Variants in NTM observed in about 807,000 individuals in gnomAD.
NTM encodes the protein neurotrimin.
Under a neutral mutation model 42.1 loss-of-function variants are expected in NTM, and 13 were observed. The ratio of observed to expected loss-of-function variants is 0.31; its 90% CI spans 0.20 to 0.49. The LOEUF (loss-of-function observed/expected upper bound fraction) is 0.49, where lower values mean the gene tolerates loss of function less well. NTM is among the 20% of genes least tolerant of loss of function. The probability of loss-of-function intolerance (pLI) is 0.99; values close to 1 mark genes in which losing one functional copy is unlikely to be tolerated. For missense variants in NTM, 373 were observed against 452.8 expected, an observed-to-expected ratio of 0.82 and a Z score of 1.60; for synonymous variants, 187 against 179.2, an observed-to-expected ratio of 1.04 and a Z score of -0.35.
chr11:132,182,762 A>T (rs4357699), intron 3 of NTM, among the ~76,000 whole-genome samples: 6 of 152,124 alleles, frequency 3.9e-5, no homozygotes, highest in African/African-American at 1.4e-4. Context: ...AATAAAATCC[A>T]AAGTCTTTAA....
chr11:132,158,902 C>T (rs1170333529), intron 3 of NTM, among the ~76,000 whole-genome samples: 1 of 152,148 alleles, frequency 6.6e-6, no homozygotes, highest in Non-Finnish European at 1.5e-5. Flanking sequence ...CACTCCAGGT[C>T]ACTGCCTGGA....
chr11:132,112,009 A>G (rs1335875687), intron 2 of NTM, among the ~76,000 whole-genome samples: 1 of 152,226 alleles, frequency 6.6e-6, no homozygotes. Context: ...CAGACTACAA[A>G]TAGCTGCTCT....
chr11:132,011,822 G>T (rs900757662), intron 2 of NTM, among the ~76,000 whole-genome samples: 2 of 152,098 alleles, frequency 1.3e-5, no homozygotes, highest in Non-Finnish European at 2.9e-5. Flanking sequence ...CTTGGAATCT[G>T]TGCATGCTCA....
rs576864705 is a variant in NTM at position 131,909,082 on chromosome 11, G to T, written c.83-2482G>T. Among the ~76,000 whole-genome samples, 3 of 152,304 alleles carry T rather than the reference G, an allele frequency of 2.0e-5. No homozygotes were observed. The South Asian group carries it at 6.2e-4, about 32-fold the overall frequency. On this transcript the variant is annotated intron_variant, in intron 1 of 8. Coordinates refer to ENST00000683400, the MANE Select transcript of NTM (RefSeq NM_001352005.2). ...AGGAGGGAACAATTGGCCCAATGAT[G>T]AGTTAATGCAAAGTATTTTGAGATA... is the stretch of plus-strand genomic sequence containing the variant.
chr11:132,230,418 T>G (rs1398000394), intron 4 of NTM, among the ~76,000 whole-genome samples: 2 of 152,186 alleles, frequency 1.3e-5, no homozygotes, highest in Non-Finnish European at 2.9e-5. Flanking sequence ...GGAGGTCAAG[T>G]CAGAGGTGGA....
At chr11:131,463,021 T>A (rs367814169) in intron 1 of NTM, among the ~76,000 whole-genome samples, 1,609 of 132,428 alleles carry the variant, frequency 0.012, 43 homozygotes, top group African/African-American at 0.055. Flanking sequence ...TCTCCACATC[T>A]TCTTTGCATG....
chr11:132,145,425 C>T (rs1009861083), intron 2 of NTM, among the ~76,000 whole-genome samples: 1 of 152,204 alleles, frequency 6.6e-6, no homozygotes, highest in South Asian at 2.1e-4. Context: ...AGCCTAAGGC[C>T]ATGGAACAGA....
chr11:131,464,665 C>G (rs1951723912), intron 1 of NTM, among the ~76,000 whole-genome samples: 1 of 152,190 alleles, frequency 6.6e-6, no homozygotes, highest in South Asian at 2.1e-4. Context: ...GAGATGTCTT[C>G]CGCCCCAGTC....
chr11:131,688,988 T>C (rs2074300592), intron 1 of NTM, among the ~76,000 whole-genome samples: 1 of 152,088 alleles, frequency 6.6e-6, no homozygotes, highest in South Asian at 2.1e-4. Flanking sequence ...GTTAGCTAGT[T>C]GGTTTTTAAA....
At chr11:131,998,255 A>G (rs1212044417) in intron 2 of NTM, among the ~76,000 whole-genome samples, 1 of 152,076 alleles carries the variant, frequency 6.6e-6, no homozygotes, top group East Asian at 1.9e-4. Flanking sequence ...TTTTATGGGG[A>G]CTCGTAAAAG....
At chr11:131,643,379 C>T (rs912741549) in intron 1 of NTM, among the ~76,000 whole-genome samples, 4 of 152,190 alleles carry the variant, frequency 2.6e-5, no homozygotes, top group African/African-American at 9.6e-5. Flanking sequence ...ATGGTGTACC[C>T]GGGTGTGCGC....
At chr11:131,689,866 G>A (rs2074430752) in intron 1 of NTM, among the ~76,000 whole-genome samples, 1 of 152,186 alleles carries the variant, frequency 6.6e-6, no homozygotes, top group Non-Finnish European at 1.5e-5. Flanking sequence ...AGCAATACCA[G>A]TTATTACTGG....
Position 131,664,695 on chromosome 11 carries a change from A to G in NTM, c.83-246869A>G, listed in dbSNP as rs567276232. 1.1e-3 allele frequency among the ~76,000 whole-genome samples: 165 copies of G among 151,324 alleles called. 1 individual carries two copies. Among genetic ancestry groups the G allele is most frequent in the Non-Finnish European group, 1.8e-3 (123 of 67,898 alleles). On this transcript the variant is annotated intron_variant, in intron 1 of 8. Transcript: ENST00000683400. ...ATTTGAGATGTAGTTCATTATCCCC[A>G]AAGTCAAGAGATTATAGAATGCCGT...
At chr11:132,298,800 A>C (rs1351240505) in intron 4 of NTM, among the ~76,000 whole-genome samples, 2 of 152,214 alleles carry the variant, frequency 1.3e-5, no homozygotes, top group African/African-American at 4.8e-5. Context: ...CCATATACAC[A>C]TATTCAGTTC....
intron 4 of NTM, among the ~76,000 whole-genome samples, chr11:132,244,787 G>A (rs1037838294): frequency 1.3e-5 from 2 of 152,188 alleles, no homozygotes; most frequent in African/African-American, 2.4e-5. Context: ...GTGGTGGGCC[G>A]AGAGGGAGCC....
Position 131,598,883 on chromosome 11 carries a change from C to T in NTM, c.82+227995C>T, listed in dbSNP as rs1483087576. ...TTCCTTCCTTCCTTCCTTCTTCCTT[C>T]CTTCCTTCCTTCCTTCCTTCCTTCC... On this transcript the variant is annotated intron_variant, in intron 1 of 8. Coordinates refer to ENST00000683400, the MANE Select transcript of NTM (RefSeq NM_001352005.2). 2.1e-4 allele frequency among the ~76,000 whole-genome samples: 7 copies of T among 32,612 alleles called. 2 individuals are homozygous for T. The highest frequency in any genetic ancestry group is 6.3e-4 in the African/African-American group (7 of 11,194). 21.4% of individuals were successfully genotyped at this position (32,612 alleles called of 152,430 possible).
At chr11:132,039,169 G>A (rs543715555) in intron 2 of NTM, among the ~76,000 whole-genome samples, 6 of 152,246 alleles carry the variant, frequency 3.9e-5, no homozygotes, top group Admixed American at 2.6e-4. Context: ...TTCTCCAGCA[G>A]CACTGCCTCC....
At position 131,640,507 on chromosome 11, in the gene NTM, CT is replaced by C. The variant is rs201884683; in HGVS notation, c.82+269626del. Among the ~76,000 whole-genome samples, 1,262 of 152,216 alleles carry C rather than the reference CT, an allele frequency of 8.3e-3. 18 individuals are homozygous for C. The highest frequency in any genetic ancestry group is 0.029 in the African/African-American group (1,191 of 41,528). On this transcript the variant is annotated intron_variant, in intron 1 of 8. Coordinates refer to ENST00000683400, the MANE Select transcript of NTM (RefSeq NM_001352005.2). ...CCATGAGATTGACCTAATTTGCCAT[CT>C]TTTTTTCTTGCTAATGAGGCTGGCT... is the stretch of plus-strand genomic sequence containing the variant.
chr11:132,326,538 A>G (rs1275127083), intron 7 of NTM, among the ~76,000 whole-genome samples: 1 of 152,208 alleles, frequency 6.6e-6, no homozygotes, highest in Non-Finnish European at 1.5e-5. Context: ...CTCTCCTGTG[A>G]ACTGATGACT....
Sources: allele counts gnomAD v4.1 joint callset (sites outside exome capture counted in the v4.1 genomes callset), GRCh38; gene constraint gnomAD v4.1.1; transcripts MANE v1.5; gene names NCBI Gene and HGNC (gene_info 2026-07-23, HGNC 2026-07-21).